TLCD4: variants seen among roughly 807,000 people sequenced by gnomAD.
TLCD4 encodes the protein TLC domain containing 4.
TLCD4 carries 7 observed loss-of-function variants against 24.2 expected under a neutral mutation model. The ratio of observed to expected loss-of-function variants is 0.29; its 90% CI spans 0.16 to 0.54. The LOEUF is 0.54. TLCD4 is among the 20% of genes least tolerant of loss of function. TLCD4 has a pLI of 0.95. For synonymous variants in TLCD4, 103 were observed against 106.4 expected (o/e 0.97, Z 0.20); for missense variants, 259 against 313.9 (o/e 0.82, Z 1.32).
chr1:95,163,013 G>A (rs1287162574), intron 5 of TLCD4, among the ~76,000 whole-genome samples: 1 of 152,116 alleles, frequency 6.6e-6, no homozygotes, highest in African/African-American at 2.4e-5. Flanking sequence ...TATCTTTGTG[G>A]TGTTCTCTGT....
chr1:95,197,579 CAATAA>C lies in TLCD4; in HGVS notation c.*5715_*5719del, dbSNP rs1679243144. On this transcript the variant is annotated 3_prime_UTR_variant, in exon 7 of 7. Coordinates refer to ENST00000370203, the MANE Select transcript of TLCD4 (RefSeq NM_152487.3). Reference sequence around the variant, plus strand: ...AAGCTTTGTATTTTGTGGAAAAAAACAATAAAATCACAATTATTTAGTGCAAAAGT... The same window carrying C: ...AAGCTTTGTATTTTGTGGAAAAAAACAATCACAATTATTTAGTGCAAAAGT... The C allele has an allele frequency of 6.6e-6, 1 of 151,958 alleles. No individual in the cohort carries two copies. The highest frequency in any genetic ancestry group is 1.5e-5 in the Non-Finnish European group (1 of 67,992). The allele number at this position is 151,958 out of a possible 1,614,324, so 9.4% of individuals were successfully genotyped here.
At chr1:95,154,375 T>C (rs1011039311) in intron 5 of TLCD4, among the ~76,000 whole-genome samples, 1 of 152,118 alleles carries the variant, frequency 6.6e-6, no homozygotes, top group Admixed American at 6.6e-5. Flanking sequence ...ATAAATTGAG[T>C]ACTGATGTTT....
chr1:95,196,836 T>C lies in TLCD4; in HGVS notation c.*4968T>C, dbSNP rs1679219856. 6.6e-6 allele frequency: 1 copy of C among 152,210 alleles called. No individual in the cohort carries two copies. The highest frequency in any genetic ancestry group is 2.4e-5 in the African/African-American group (1 of 41,454). The allele number at this position is 152,210 out of a possible 1,614,324, so 9.4% of individuals were successfully genotyped here. On this transcript the variant is annotated 3_prime_UTR_variant, in exon 7 of 7. Transcript: ENST00000370203. ...AGGTATAGCTGTATATAGAATGTGCTCTGTGTTTTTCTGTTTCCTGCTTGG... is the reference window on the plus strand; with the variant it reads ...AGGTATAGCTGTATATAGAATGTGCCCTGTGTTTTTCTGTTTCCTGCTTGG...
At chr1:95,111,203 A>G in the TLCD4 span, among the ~76,000 whole-genome samples, 1 of 152,068 alleles carries the variant, frequency 6.6e-6, no homozygotes, top group East Asian at 1.9e-4. Flanking sequence ...CTGAGGTGGG[A>G]GGATTGCTTG....
chr1:95,176,105 T>G (rs775321489), intron 6 of TLCD4, among the ~76,000 whole-genome samples: 7 of 152,094 alleles, frequency 4.6e-5, no homozygotes, highest in Non-Finnish European at 7.4e-5. Flanking sequence ...ACATTTTACT[T>G]TGATTCATGG....
intron 1 of TLCD4, among the ~76,000 whole-genome samples, chr1:95,123,613 C>T (rs1316228464): frequency 1.3e-5 from 2 of 152,208 alleles, no homozygotes; most frequent in Non-Finnish European, 2.9e-5. Flanking sequence ...AGTTTCACTC[C>T]TAAACACACC....
intron 6 of TLCD4, among the ~76,000 whole-genome samples, chr1:95,175,662 G>A (rs1678394638): frequency 6.6e-6 from 1 of 152,074 alleles, no homozygotes; most frequent in Non-Finnish European, 1.5e-5. Context: ...AGTGCACAAG[G>A]GTTCTGATTT....
At position 95,148,773 on chromosome 1, in the gene TLCD4, C is replaced by G; in HGVS notation, c.227C>G (p.Thr76Ser). 2 of 1,613,534 alleles carry G rather than the reference C, an allele frequency of 1.2e-6. No individual in the cohort carries two copies. The highest frequency in any genetic ancestry group is 1.7e-6 in the Non-Finnish European group (2 of 1,179,726). Residue 76 changes from threonine (T) to serine (S), a missense_variant, in exon 3 of 7, where the codon ACT (threonine) becomes AGT (serine). Transcript: ENST00000370203. ...GLYIFLFDEA[T>S]KADPLWGGPS... is the part of the protein sequence containing the mutation. Reference sequence around the variant, plus strand: ...TACATTTTCTTATTCGATGAGGCTACTAAAGCTGATCCACTTTGGTAAGCT... The same window carrying G: ...TACATTTTCTTATTCGATGAGGCTAGTAAAGCTGATCCACTTTGGTAAGCT...
chr1:95,186,227 G>C (rs4949999), intron 6 of TLCD4, among the ~76,000 whole-genome samples: 93,188 of 151,998 alleles, frequency 0.61, 29,431 homozygotes, highest in East Asian at 0.8. Flanking sequence ...ACATAGAGGT[G>C]AATAGCAGAG....
chr1:95,107,340 G>A, the TLCD4 span, among the ~76,000 whole-genome samples: 5 of 152,236 alleles, frequency 3.3e-5, no homozygotes, highest in Admixed American at 2.0e-4. Flanking sequence ...GGAGAATGGC[G>A]TGAACCCAGG....
chr1:95,153,142 C>A (rs1677538491), intron 5 of TLCD4, among the ~76,000 whole-genome samples: 1 of 151,272 alleles, frequency 6.6e-6, no homozygotes, highest in Admixed American at 6.6e-5. Flanking sequence ...CCTGGCTGGG[C>A]AGAAGGGATA....
At position 95,139,060 on chromosome 1, in the gene TLCD4, G is replaced by A. The variant is rs562009892; in HGVS notation, c.-11-4831G>A. Among the ~76,000 whole-genome samples the A allele has an allele frequency of 1.2e-3, 181 of 149,758 alleles. 1 individual carries two copies. The highest frequency in any genetic ancestry group is 4.1e-3 in the African/African-American group (168 of 40,742). The stretch of plus-strand genomic sequence containing the variant: ...AAAAAAAAAATGAGCTGGGTGTGGT[G>A]GCTATGTGGGAGGCTGAGGCGGGAG... On this transcript the variant is annotated intron_variant, in intron 1 of 6. Coordinates refer to ENST00000370203, the MANE Select transcript of TLCD4 (RefSeq NM_152487.3).
chr1:95,118,265 C>T (rs1468107726), intron 1 of TLCD4, among the ~76,000 whole-genome samples: 2 of 152,174 alleles, frequency 1.3e-5, no homozygotes, highest in Non-Finnish European at 2.9e-5. Flanking sequence ...ACCTCTGTAA[C>T]CCCTAAGTGC....
Position 95,172,563 on chromosome 1 carries a change from C to T in TLCD4, c.400-1253C>T, listed in dbSNP as rs553747436. Among the ~76,000 whole-genome samples, 105 of 152,244 alleles carry T rather than the reference C, an allele frequency of 6.9e-4. 1 individual carries two copies. Among genetic ancestry groups the T allele is most frequent in the African/African-American group, 2.4e-3 (101 of 41,552 alleles). ...CTGTGTCTTTGGCCATCCCTCCTTC[C>T]TTCTTCCTCATCACAAATTCCAGTA... On this transcript the variant is annotated intron_variant, in intron 5 of 6. Coordinates refer to ENST00000370203, the MANE Select transcript of TLCD4 (RefSeq NM_152487.3).
intron 1 of TLCD4, among the ~76,000 whole-genome samples, chr1:95,123,900 T>C (rs1418344255): frequency 6.6e-6 from 1 of 152,212 alleles, no homozygotes; most frequent in Non-Finnish European, 1.5e-5. Flanking sequence ...AAAGACCAAT[T>C]CATTGGCATA....
chr1:95,152,338 T>A (rs1404717610), intron 5 of TLCD4, among the ~76,000 whole-genome samples: 2 of 152,076 alleles, frequency 1.3e-5, no homozygotes, highest in Non-Finnish European at 2.9e-5. Flanking sequence ...CTAACAAAAA[T>A]AATAATAATT....
chr1:95,197,135 C>T lies in TLCD4; in HGVS notation c.*5267C>T, dbSNP rs1186760997. 6.6e-6 allele frequency: 1 copy of T among 151,966 alleles called. No individual in the cohort carries two copies. Among genetic ancestry groups the T allele is most frequent in the African/African-American group, 2.4e-5 (1 of 41,384 alleles). 9.4% of individuals were successfully genotyped at this position (151,966 alleles called of 1,614,324 possible). A position where few individuals can be genotyped will look rare whatever the true frequency, so the allele number is the denominator to read the frequency against. On this transcript the variant is annotated 3_prime_UTR_variant, in exon 7 of 7. Coordinates refer to ENST00000370203, the MANE Select transcript of TLCD4 (RefSeq NM_152487.3). ...GAAGTCTTTCAAAATATACTTAATA[C>T]CATTTTGAGAACATACCTTCTAATT...
At chr1:95,096,787 C>A in the TLCD4 span, among the ~76,000 whole-genome samples, 1 of 152,154 alleles carries the variant, frequency 6.6e-6, no homozygotes, top group Non-Finnish European at 1.5e-5. Flanking sequence ...CAGTGCAACT[C>A]GGCCCCATCC....
At chr1:95,113,271 C>G (rs1414415071), upstream of TLCD4, among the ~76,000 whole-genome samples, 1 of 152,118 alleles carries the variant, frequency 6.6e-6, no homozygotes, top group African/African-American at 2.4e-5. Context: ...GTCTCAACCT[C>G]CTAACCTCGG....
Sources: allele counts gnomAD v4.1 joint callset (sites outside exome capture counted in the v4.1 genomes callset), GRCh38; gene constraint gnomAD v4.1.1; transcripts MANE v1.5; gene names NCBI Gene and HGNC (gene_info 2026-07-23, HGNC 2026-07-21).